Variants in PPP2R2B observed in about 807,000 individuals in gnomAD.
PPP2R2B encodes serine/threonine-protein phosphatase 2A 55 kDa regulatory subunit B beta isoform.
In PPP2R2B, 5 loss-of-function variants were observed where a neutral mutation model predicts 46.0. The ratio of observed to expected loss-of-function variants is 0.11; its 90% CI spans 0.06 to 0.23. The LOEUF (loss-of-function observed/expected upper bound fraction) is 0.23, where lower values mean the gene tolerates loss of function less well. PPP2R2B is among the 10% of genes least tolerant of loss of function. The pLI is 1.00. For synonymous variants in PPP2R2B, 215 were observed against 206.7 expected, an observed-to-expected ratio of 1.04 and a Z score of -0.34; for missense variants, 367 against 575.0, an observed-to-expected ratio of 0.64 and a Z score of 3.70.
intron 1 of PPP2R2B, among the ~76,000 whole-genome samples, chr5:147,011,668 G>A (rs987518377): frequency 1.3e-5 from 2 of 150,290 alleles, no homozygotes; most frequent in Non-Finnish European, 3.0e-5. Flanking sequence ...TTTTCAAAGG[G>A]AATGCTTCCA....
In PPP2R2B at chr5:146,638,221, G is replaced by GC. The variant is rs3841568; in HGVS notation, c.790+29dup. 1,736 of 1,601,034 alleles carry GC rather than the reference G, an allele frequency of 1.1e-3. 25 individuals are homozygous for GC. The East Asian group carries it at 0.031, about 29-fold the overall frequency. ...CCAGCACATTGGGGCCAGTGGCCAT[G>GC]CCCCCCACCTCCCTTCAGTTGCTAC... On this transcript the variant is annotated intron_variant, in intron 7 of 9. Coordinates refer to ENST00000394411, the MANE Select transcript of PPP2R2B (RefSeq NM_181675.4).
At chr5:146,697,760 A>G (rs749776788) in intron 4 of PPP2R2B, among the ~76,000 whole-genome samples, 15 of 152,202 alleles carry the variant, frequency 9.9e-5, no homozygotes, top group Non-Finnish European at 2.2e-4. Context: ...TGGGTCTCAC[A>G]TAATTGGGTC....
At chr5:146,771,294 G>A (rs249907) in intron 2 of PPP2R2B, among the ~76,000 whole-genome samples, 105,288 of 152,122 alleles carry the variant, frequency 0.69, 38,530 homozygotes, top group East Asian at 0.87. Flanking sequence ...CAAAGGCCAT[G>A]TTAAGTGACT....
At chr5:147,007,026 C>A (rs1754470324) in intron 1 of PPP2R2B, among the ~76,000 whole-genome samples, 1 of 152,122 alleles carries the variant, frequency 6.6e-6, no homozygotes, top group Admixed American at 6.5e-5. Flanking sequence ...GTATTTTTAA[C>A]CTCCTTGTCA....
chr5:146,628,659 C>T lies in PPP2R2B; in HGVS notation c.790+9592G>A, dbSNP rs182361720. 5.8e-4 allele frequency among the ~76,000 whole-genome samples: 89 copies of T among 152,342 alleles called. 1 individual carries two copies. The highest frequency in any genetic ancestry group is 2.1e-3 in the African/African-American group (88 of 41,588). On this transcript the variant is annotated intron_variant, in intron 7 of 9. Coordinates refer to ENST00000394411, the MANE Select transcript of PPP2R2B (RefSeq NM_181675.4). ...CCCAAACCACAATGGAATTAAGATGCTACTGCAGAACCTACCCTGTGCCAC... is the reference window on the plus strand; with the variant it reads ...CCCAAACCACAATGGAATTAAGATGTTACTGCAGAACCTACCCTGTGCCAC...
At chr5:147,043,155 C>A (rs1294258275) in intron 1 of PPP2R2B, among the ~76,000 whole-genome samples, 1 of 151,976 alleles carries the variant, frequency 6.6e-6, no homozygotes, top group African/African-American at 2.4e-5. Context: ...CCTGGCTGAA[C>A]TCCTGAAGAC....
chr5:146,600,388 T>C lies in PPP2R2B; in HGVS notation c.863A>G (p.Lys288Arg). 1 of 1,614,016 alleles carries C rather than the reference T, an allele frequency of 6.2e-7. No homozygotes were observed. Among genetic ancestry groups the C allele is most frequent in the South Asian group, 1.1e-5 (1 of 91,080 alleles). Residue 288 changes from lysine (K) to arginine (R), a missense_variant, in exon 8 of 10, where the codon AAG (lysine) becomes AGG (arginine). This residue lies in a region of PPP2R2B where 361 missense variants were observed against 545.5 expected (regional missense o/e 0.66). Transcript: ENST00000394411. Reference protein sequence around the residue: ...SEIISSISDVKFSHSGRYIMT... With the variant: ...SEIISSISDVRFSHSGRYIMT... ...GATATACCTCCCACTGTGGCTGAAC[T>C]TCACATCCGAAATCGAAGAGATAAT... is the stretch of plus-strand genomic sequence containing the variant.
intron 1 of PPP2R2B, among the ~76,000 whole-genome samples, chr5:146,920,659 A>C (rs1019799698): frequency 1.3e-5 from 2 of 152,162 alleles, no homozygotes; most frequent in Admixed American, 6.5e-5. Context: ...TGTACATGGA[A>C]GGAAGAGGCT....
At chr5:146,687,436 T>C (rs80313965) in intron 5 of PPP2R2B, among the ~76,000 whole-genome samples, 25,778 of 151,910 alleles carry the variant, frequency 0.17, 2,502 homozygotes, top group African/African-American at 0.27. Context: ...TTGAGGTAGC[T>C]AGTGCAGATA....
At chr5:147,054,647 C>G (rs758854396) in intron 1 of PPP2R2B, 1 of 456,218 alleles carries the variant, frequency 2.2e-6, no homozygotes, top group Non-Finnish European at 4.4e-6. Context: ...AGCCCCCAGT[C>G]TCAGGATTCT....
At chr5:146,688,172 G>C (rs1202793268) in intron 5 of PPP2R2B, among the ~76,000 whole-genome samples, 41 of 152,018 alleles carry the variant, frequency 2.7e-4, no homozygotes, top group Admixed American at 2.7e-3. Context: ...GGATATTTGA[G>C]AGCCTAGGAA....
At chr5:147,021,929 A>G (rs1174471514) in intron 1 of PPP2R2B, among the ~76,000 whole-genome samples, 7 of 152,310 alleles carry the variant, frequency 4.6e-5, no homozygotes, top group African/African-American at 1.2e-4. Flanking sequence ...ATTATGTTCA[A>G]TGACAACAAA....
chr5:147,077,080 CATATGTATTAT>C (rs1757791936), intron 2 of PPP2R2B, among the ~76,000 whole-genome samples: 1 of 146,756 alleles, frequency 6.8e-6, no homozygotes, highest in South Asian at 2.1e-4. Context: ...ATATTACATA[CATATGTATTAT>C]ATATGTATAA....
At chr5:146,972,697 G>GT in intron 1 of PPP2R2B, among the ~76,000 whole-genome samples, 1 of 152,242 alleles carries the variant, frequency 6.6e-6, no homozygotes, top group South Asian at 2.1e-4. Flanking sequence ...AGGCAAGAGA[G>GT]TAAGACTCCA....
intron 2 of PPP2R2B, among the ~76,000 whole-genome samples, chr5:147,073,498 C>T (rs1757665268): frequency 6.6e-6 from 1 of 151,300 alleles, no homozygotes. Context: ...CCCCCTGTAG[C>T]CTACTAGGTG....
chr5:146,623,210 G>C (rs990402024), intron 7 of PPP2R2B, among the ~76,000 whole-genome samples: 1 of 152,190 alleles, frequency 6.6e-6, no homozygotes, highest in South Asian at 2.1e-4. Flanking sequence ...AAAATGCTAC[G>C]CGTCAGAACT....
intron 2 of PPP2R2B, among the ~76,000 whole-genome samples, chr5:146,795,853 G>T (rs939976560): frequency 2.0e-5 from 3 of 152,110 alleles, no homozygotes; most frequent in East Asian, 1.9e-4. Context: ...AGATTCGATG[G>T]AATAACGCAC....
chr5:147,056,597 A>C (rs769553194), upstream of PPP2R2B, among the ~76,000 whole-genome samples: 1 of 152,216 alleles, frequency 6.6e-6, no homozygotes, highest in Non-Finnish European at 1.5e-5. Flanking sequence ...ATGGCATTAA[A>C]AAACATGGAA....
chr5:147,004,963 G>T (rs991573304), intron 1 of PPP2R2B, among the ~76,000 whole-genome samples: 3 of 152,102 alleles, frequency 2.0e-5, no homozygotes, highest in Admixed American at 6.6e-5. Flanking sequence ...TACAAGGAAA[G>T]GATCTTACTG....
Sources: gnomAD v4.1 joint callset for allele counts (sites outside exome capture counted in the v4.1 genomes callset) on GRCh38, gnomAD v4.1.1 for gene constraint, gnomAD v4.1.1 regional missense constraint, MANE v1.5 for transcripts, NCBI Gene and HGNC (gene_info 2026-07-23, HGNC 2026-07-21) for gene names.